The following FLVCR2 variants were observed in gnomAD, a reference collection of about 807,000 sequenced individuals.
FLVCR2 encodes the protein FLVCR choline and putative heme transporter 2.
Under a neutral mutation model 48.9 loss-of-function variants are expected in FLVCR2, and 38 were observed. That is an observed-to-expected ratio of 0.78 (90% CI 0.60 to 1.02). FLVCR2 has a LOEUF of 1.02. Ranked by LOEUF, FLVCR2 falls within the 50% of genes least tolerant of loss-of-function variation. FLVCR2 has a pLI of 0.00. For synonymous variants in FLVCR2, 255 were observed against 257.0 expected, an observed-to-expected ratio of 0.99 and a Z score of 0.07; for missense variants, 664 against 663.3, an observed-to-expected ratio of 1.00 and a Z score of -0.01.
intron 1 of FLVCR2, among the ~76,000 whole-genome samples, chr14:75,594,380 C>T (rs1014574210): frequency 2.6e-5 from 4 of 152,240 alleles, no homozygotes; most frequent in African/African-American, 7.2e-5. Flanking sequence ...CACCTTCTAC[C>T]CATTTCCAGT....
chr14:75,634,805 T>G, intron 4 of FLVCR2, 105 bp from the exon 5 acceptor site: 4 of 748,402 alleles, frequency 5.3e-6, no homozygotes, highest in Non-Finnish European at 9.6e-6. Context: ...TTGACTCTGA[T>G]GGAGCTTGAG....
intron 1 of FLVCR2, among the ~76,000 whole-genome samples, chr14:75,585,137 A>T (rs1369138998): frequency 2.0e-5 from 3 of 152,178 alleles, no homozygotes; most frequent in Non-Finnish European, 4.4e-5. Flanking sequence ...GTAGAAAAGG[A>T]GAATTCAAAA....
intron 8 of FLVCR2, 148 bp downstream of exon 8, chr14:75,641,441 T>C: frequency 1.4e-6 from 1 of 705,128 alleles, no homozygotes; most frequent in Non-Finnish European, 2.6e-6. Flanking sequence ...CACATTGTTT[T>C]GGTAGAATGA....
intron 1 of FLVCR2, among the ~76,000 whole-genome samples, chr14:75,609,837 A>T (rs1594800928): frequency 6.6e-6 from 1 of 151,334 alleles, no homozygotes; most frequent in South Asian, 2.1e-4. Flanking sequence ...CAAAGGAGAC[A>T]ATTATTCTCC....
At chr14:75,622,251 A>T in intron 2 of FLVCR2, 31 bp downstream of exon 2, 1 of 1,610,006 alleles carries the variant, frequency 6.2e-7, no homozygotes, top group South Asian at 1.1e-5. Context: ...ATGGGGTAGC[A>T]GGGGGCGAAG....
intron 1 of FLVCR2, among the ~76,000 whole-genome samples, chr14:75,616,026 C>CAA (rs10629813): frequency 0.019 from 489 of 25,610 alleles, 72 homozygotes; most frequent in East Asian, 0.11. Flanking sequence ...GACTCCATCT[C>CAA]AAAAAAAAAA....
intron 1 of FLVCR2, among the ~76,000 whole-genome samples, chr14:75,621,022 T>C (rs1476516210): frequency 1.3e-5 from 2 of 152,216 alleles, no homozygotes; most frequent in Non-Finnish European, 2.9e-5. Flanking sequence ...CGCCTCAATA[T>C]TATGTGCAGC....
chr14:75,616,053 G>A (rs373139325), intron 1 of FLVCR2, among the ~76,000 whole-genome samples: 17 of 63,394 alleles, frequency 2.7e-4, no homozygotes, highest in African/African-American at 5.5e-4. Flanking sequence ...AAAAAATAGC[G>A]TAAGTCCAGT....
chr14:75,640,624 A>G, intron 6 of FLVCR2: 1 of 384,858 alleles, frequency 2.6e-6, no homozygotes, highest in African/African-American at 2.1e-5. Flanking sequence ...TACCCAGGAC[A>G]TAGTCTCTCA....
intron 1 of FLVCR2, chr14:75,605,563 G>T (rs1389275547): frequency 1.3e-6 from 2 of 1,535,960 alleles, no homozygotes; most frequent in South Asian, 2.4e-5. Flanking sequence ...ACGCAGCCTT[G>T]TCCCAGCATG....
chr14:75,589,098 C>T (rs1480629877), intron 1 of FLVCR2, among the ~76,000 whole-genome samples: 1 of 152,004 alleles, frequency 6.6e-6, no homozygotes, highest in African/African-American at 2.4e-5. Context: ...TGCCTGTAGT[C>T]CCAGCTACTT....
chr14:75,594,073 A>G (rs923096943), intron 1 of FLVCR2, among the ~76,000 whole-genome samples: 5 of 152,238 alleles, frequency 3.3e-5, no homozygotes, highest in African/African-American at 1.2e-4. Flanking sequence ...TGTCTTCCAC[A>G]AATTCCTAAG....
chr14:75,588,409 C>A (rs1888800779), intron 1 of FLVCR2, among the ~76,000 whole-genome samples: 1 of 152,222 alleles, frequency 6.6e-6, no homozygotes, highest in African/African-American at 2.4e-5. Context: ...ATGACTTAAT[C>A]ACCTCTTAAA....
chr14:75,633,729 A>G lies in FLVCR2; in HGVS notation c.1020+33A>G, dbSNP rs776582879. The G allele has an allele frequency of 5.9e-6, 9 of 1,526,136 alleles. No individual in the cohort carries two copies. In the Admixed American group the frequency reaches 1.0e-4, roughly 17 times the overall value. The allele number at this position is 1,526,136 out of a possible 1,614,324, so 94.5% of individuals were successfully genotyped here. Reference sequence around the variant, plus strand: ...AGTTCCCTAAGCATGTTGGGCCTCAAGATGATATAGTTTCTAAGTCTGTCT... The same window carrying G: ...AGTTCCCTAAGCATGTTGGGCCTCAGGATGATATAGTTTCTAAGTCTGTCT... On this transcript the variant is annotated intron_variant, in intron 4 of 9. Transcript: ENST00000238667.
In FLVCR2 at chr14:75,646,710, G is replaced by GT; in HGVS notation, c.*240dup. ...GATTCCCACCTCCACCCCCTTTTAGGTTATGGGAGTTGGTGTTGGGACAGG... is the reference window on the plus strand; with the variant it reads ...GATTCCCACCTCCACCCCCTTTTAGGTTTATGGGAGTTGGTGTTGGGACAGG... On this transcript the variant is annotated 3_prime_UTR_variant, in exon 10 of 10. Coordinates refer to ENST00000238667, the MANE Select transcript of FLVCR2 (RefSeq NM_017791.3). 1 of 534,582 alleles carries GT rather than the reference G, an allele frequency of 1.9e-6. No individual in the cohort carries two copies. Among genetic ancestry groups the GT allele is most frequent in the East Asian group, 3.6e-5 (1 of 27,956 alleles). The allele number at this position is 534,582 out of a possible 1,614,324, so 33.1% of individuals were successfully genotyped here.
At chr14:75,596,865 A>G (rs1889036442) in intron 1 of FLVCR2, among the ~76,000 whole-genome samples, 1 of 136,702 alleles carries the variant, frequency 7.3e-6, no homozygotes, top group Non-Finnish European at 1.5e-5. Context: ...GATCCTTGTA[A>G]AAGTGGAATC....
intron 2 of FLVCR2, among the ~76,000 whole-genome samples, chr14:75,622,756 G>C (rs60943375): frequency 1.3e-5 from 2 of 151,544 alleles, no homozygotes; most frequent in South Asian, 4.2e-4. Flanking sequence ...AACTGAAATT[G>C]ATCCATAAAA....
At chr14:75,612,626 G>T (rs1343584535) in intron 1 of FLVCR2, among the ~76,000 whole-genome samples, 1 of 152,210 alleles carries the variant, frequency 6.6e-6, no homozygotes, top group African/African-American at 2.4e-5. Context: ...GTCTTTGCCT[G>T]GACATTATCG....
At chr14:75,579,846 C>T (rs1393303935) in intron 1 of FLVCR2, among the ~76,000 whole-genome samples, 1 of 152,230 alleles carries the variant, frequency 6.6e-6, no homozygotes. Context: ...TCCACAGTTG[C>T]TCTTGCCCCA....
Sources: gnomAD v4.1 joint callset for allele counts (sites outside exome capture counted in the v4.1 genomes callset) on GRCh38, gnomAD v4.1.1 for gene constraint, MANE v1.5 for transcripts, NCBI Gene and HGNC (gene_info 2026-07-23, HGNC 2026-07-21) for gene names.